Variants in CDH12 observed in about 807,000 individuals in gnomAD.
CDH12 encodes the protein cadherin-12.
In CDH12, 41 loss-of-function variants were observed where a neutral mutation model predicts 74.1. The observed-to-expected ratio is 0.55, with a 90% confidence interval of 0.43 to 0.72. CDH12 has a LOEUF of 0.72. Ranked by LOEUF, CDH12 falls within the 30% of genes least tolerant of loss-of-function variation. The pLI is 0.00. For missense variants in CDH12, 945 were observed against 977.2 expected (o/e 0.97, Z 0.44); for synonymous variants, 399 against 355.0 (o/e 1.12, Z -1.39).
intron 2 of CDH12, among the ~76,000 whole-genome samples, chr5:22,444,060 G>A (rs1265014775): frequency 6.6e-6 from 1 of 151,884 alleles, no homozygotes; most frequent in African/African-American, 2.4e-5. Context: ...AGCCATAAGA[G>A]GCTAAAATAA....
At chr5:22,280,097 T>C (rs1736810740) in intron 3 of CDH12, among the ~76,000 whole-genome samples, 1 of 152,204 alleles carries the variant, frequency 6.6e-6, no homozygotes, top group Non-Finnish European at 1.5e-5. Context: ...TATCTCATTG[T>C]GGTTTTGATT....
chr5:22,742,205 A>G, intron 1 of CDH12, among the ~76,000 whole-genome samples: 1 of 151,900 alleles, frequency 6.6e-6, no homozygotes, highest in Non-Finnish European at 1.5e-5. Flanking sequence ...AAAGAAAGAA[A>G]GAAAGGAAGA....
chr5:21,758,152 A>C (rs999502672), intron 13 of CDH12, among the ~76,000 whole-genome samples: 2 of 152,192 alleles, frequency 1.3e-5, no homozygotes, highest in East Asian at 3.9e-4. Context: ...TGTCTTAGAC[A>C]GACCTATTTT....
intron 2 of CDH12, among the ~76,000 whole-genome samples, chr5:22,435,371 T>C (rs1244290399): frequency 1.3e-5 from 2 of 151,394 alleles, no homozygotes; most frequent in Non-Finnish European, 3.0e-5. Context: ...TCATGTAAGT[T>C]AATACTATTT....
chr5:22,087,632 C>T (rs1417343189), intron 4 of CDH12, among the ~76,000 whole-genome samples: 1 of 151,616 alleles, frequency 6.6e-6, no homozygotes, highest in African/African-American at 2.4e-5. Flanking sequence ...CAGAGTGAGA[C>T]TTTGTCTCAA....
chr5:22,026,957 T>C (rs113450563), intron 5 of CDH12, among the ~76,000 whole-genome samples: 19 of 152,298 alleles, frequency 1.2e-4, no homozygotes, highest in African/African-American at 4.1e-4. Context: ...GGGTTTGTCA[T>C]AGATAGCTCT....
In CDH12 at chr5:22,564,926, T is replaced by A. The variant is rs369718569; in HGVS notation, c.-522-59562A>T. Among the ~76,000 whole-genome samples, 3 of 152,114 alleles carry A rather than the reference T, an allele frequency of 2.0e-5. No individual in the cohort carries two copies. In the East Asian group the frequency reaches 5.8e-4, roughly 29 times the overall value. On this transcript the variant is annotated intron_variant, in intron 1 of 14. Coordinates refer to ENST00000382254, the MANE Select transcript of CDH12 (RefSeq NM_004061.5). ...TGAAAATCAGATATACTGATTACCT[T>A]TTTTTCTTTGTTTTTTGTTTGTTTG...
At chr5:22,607,549 G>T (rs747129778) in intron 1 of CDH12, among the ~76,000 whole-genome samples, 1 of 152,168 alleles carries the variant, frequency 6.6e-6, no homozygotes, top group Non-Finnish European at 1.5e-5. Flanking sequence ...AGACTAGCAT[G>T]GAAACGAATG....
intron 1 of CDH12, among the ~76,000 whole-genome samples, chr5:22,710,932 T>C (rs1463259778): frequency 6.6e-6 from 1 of 152,168 alleles, no homozygotes; most frequent in Non-Finnish European, 1.5e-5. Flanking sequence ...TATTTGTATA[T>C]GTCATTTGCT....
At chr5:21,851,085 C>T (rs902504507) in intron 7 of CDH12, among the ~76,000 whole-genome samples, 1 of 151,100 alleles carries the variant, frequency 6.6e-6, no homozygotes, top group African/African-American at 2.4e-5. Flanking sequence ...CATAGATTAA[C>T]AAGAGGATAT....
intron 3 of CDH12, among the ~76,000 whole-genome samples, chr5:22,330,567 A>T (rs1324369293): frequency 6.6e-6 from 1 of 152,002 alleles, no homozygotes; most frequent in East Asian, 1.9e-4. Flanking sequence ...CCTGGCTAAC[A>T]TGGTGAAATC....
In CDH12 at chr5:22,059,976, G is replaced by A. The variant is rs138959744; in HGVS notation, c.231+18470C>T. On this transcript the variant is annotated intron_variant, in intron 5 of 14. Transcript: ENST00000382254. ...GAAAATATGTATGTATACTAGAGAG[G>A]TTATATTTATCAAGAAGGTAATTTG... 3.1e-3 allele frequency among the ~76,000 whole-genome samples: 472 copies of A among 152,122 alleles called. 2 individuals are homozygous for A. The highest frequency in any genetic ancestry group is 5.0e-3 in the Non-Finnish European group (341 of 68,018).
chr5:22,794,187 A>C (rs1165165337), intron 1 of CDH12, among the ~76,000 whole-genome samples: 1 of 152,166 alleles, frequency 6.6e-6, no homozygotes, highest in Non-Finnish European at 1.5e-5. Context: ...CATGTTTTCC[A>C]TTTGCCACTC....
chr5:22,541,853 T>A (rs968606201), intron 1 of CDH12, among the ~76,000 whole-genome samples: 3 of 152,164 alleles, frequency 2.0e-5, no homozygotes, highest in Non-Finnish European at 4.4e-5. Flanking sequence ...AATGAAGGAC[T>A]AGAACTAGAA....
intron 6 of CDH12, among the ~76,000 whole-genome samples, chr5:21,893,325 A>C (rs1330945401): frequency 6.6e-6 from 1 of 152,220 alleles, no homozygotes; most frequent in Non-Finnish European, 1.5e-5. Context: ...ACAGGGCCAC[A>C]ATAAAAGGAA....
At chr5:22,761,016 C>A (rs1338561798) in intron 1 of CDH12, among the ~76,000 whole-genome samples, 3 of 152,132 alleles carry the variant, frequency 2.0e-5, no homozygotes, top group African/African-American at 7.2e-5. Context: ...ATATGTTTTG[C>A]ATTCTTATAT....
intron 1 of CDH12, among the ~76,000 whole-genome samples, chr5:22,659,370 A>G (rs1740229101): frequency 6.6e-6 from 1 of 152,102 alleles, no homozygotes; most frequent in African/African-American, 2.4e-5. Context: ...TGTATGAAAA[A>G]TATTTAGCAA....
At chr5:21,864,441 T>C (rs913535169) in intron 6 of CDH12, among the ~76,000 whole-genome samples, 1 of 152,160 alleles carries the variant, frequency 6.6e-6, no homozygotes, top group Non-Finnish European at 1.5e-5. Context: ...CTTTTGCATG[T>C]ACGTTCTCTC....
chr5:21,755,512 A>C, intron 14 of CDH12, 79 bp downstream of exon 14: 1 of 1,243,434 alleles, frequency 8.0e-7, no homozygotes, highest in Admixed American at 2.0e-5. Flanking sequence ...TAAATTGAGG[A>C]GAGAGATGGA....
Sources: gnomAD v4.1 joint callset for allele counts (sites outside exome capture counted in the v4.1 genomes callset) on GRCh38, gnomAD v4.1.1 for gene constraint, MANE v1.5 for transcripts, NCBI Gene and HGNC (gene_info 2026-07-23, HGNC 2026-07-21) for gene names.